The following PRELID3A variants were observed in gnomAD, a reference collection of about 807,000 sequenced individuals.
PRELID3A encodes the protein PRELI domain containing protein 3A.
Under a neutral mutation model 23.0 loss-of-function variants are expected in PRELID3A, and 27 were observed. That is an observed-to-expected ratio of 1.17 (90% CI 0.87 to 1.62). The LOEUF is 1.62. Ranked by LOEUF, PRELID3A falls within the 40% of genes most tolerant of loss-of-function variation. PRELID3A has a pLI of 0.00. For synonymous variants in PRELID3A, 87 were observed against 86.4 expected, an observed-to-expected ratio of 1.01 and a Z score of -0.04; for missense variants, 231 against 231.4, an observed-to-expected ratio of 1.00 and a Z score of 0.01.
intron 1 of PRELID3A, among the ~76,000 whole-genome samples, chr18:12,412,490 A>G (rs1299930901): frequency 1.3e-5 from 2 of 152,172 alleles, no homozygotes; most frequent in African/African-American, 2.4e-5. Flanking sequence ...GCCTAGCCCT[A>G]TTGTTTTTCG....
At chr18:12,424,463 T>C (rs896797637) in intron 3 of PRELID3A, among the ~76,000 whole-genome samples, 1 of 152,230 alleles carries the variant, frequency 6.6e-6, no homozygotes, top group Non-Finnish European at 1.5e-5. Context: ...TTGCATAAAA[T>C]ATTGCACATA....
intron 6 of PRELID3A, 70 bp downstream of exon 6, chr18:12,429,506 G>A: frequency 9.7e-7 from 1 of 1,026,776 alleles, no homozygotes; most frequent in Non-Finnish European, 1.5e-6. Context: ...TGGTGCACAT[G>A]GTGAGGGGAC....
intron 1 of PRELID3A, among the ~76,000 whole-genome samples, chr18:12,418,901 AGG>A (rs1485846196): frequency 6.6e-6 from 1 of 152,202 alleles, no homozygotes; most frequent in East Asian, 1.9e-4. Context: ...AAATAAAACA[AGG>A]GGAGGCTGAG....
intron 3 of PRELID3A, among the ~76,000 whole-genome samples, chr18:12,425,592 A>T (rs1002611383): frequency 1.3e-5 from 2 of 150,410 alleles, no homozygotes; most frequent in Non-Finnish European, 3.0e-5. Context: ...AGATCATGCC[A>T]CTGCACTCCA....
In PRELID3A at chr18:12,427,679, G is replaced by A. The variant is rs149413785; in HGVS notation, c.465+356G>A. On this transcript the variant is annotated intron_variant, in intron 5 of 6. Coordinates refer to ENST00000440960, the MANE Select transcript of PRELID3A (RefSeq NM_001142405.2). ...TGCACTCCAGCCTGGGTAACAGAAT[G>A]AGACTCTGTCTTAAAAAAAAAAATA... Among the ~76,000 whole-genome samples, 58 of 151,606 alleles carry A rather than the reference G, an allele frequency of 3.8e-4. No individual in the cohort carries two copies. In the East Asian group the frequency reaches 7.4e-3, roughly 19 times the overall value.
intron 3 of PRELID3A, among the ~76,000 whole-genome samples, chr18:12,425,444 C>T (rs1434873690): frequency 2.1e-5 from 3 of 145,998 alleles, no homozygotes; most frequent in Non-Finnish European, 4.5e-5. Context: ...CATGGTGAAA[C>T]CCCGTCTCTA....
At chr18:12,428,876 CAGTG>C (rs1430695954) in intron 5 of PRELID3A, among the ~76,000 whole-genome samples, 3 of 152,212 alleles carry the variant, frequency 2.0e-5, no homozygotes, top group African/African-American at 7.2e-5. Context: ...GGGGTAAACT[CAGTG>C]AGGGCAAATT....
intron 5 of PRELID3A, among the ~76,000 whole-genome samples, chr18:12,428,530 C>T (rs1055534177): frequency 8.5e-5 from 13 of 152,170 alleles, no homozygotes; most frequent in South Asian, 2.1e-4. Context: ...TTCCAATGTC[C>T]TTCCATGCTT....
intron 3 of PRELID3A, among the ~76,000 whole-genome samples, chr18:12,422,978 T>C (rs1049723759): frequency 6.6e-6 from 1 of 152,136 alleles, no homozygotes; most frequent in Non-Finnish European, 1.5e-5. Flanking sequence ...GGATGGGGAA[T>C]GCAAGGATTA....
intron 1 of PRELID3A, among the ~76,000 whole-genome samples, chr18:12,409,088 G>A (rs1909822636): frequency 6.7e-6 from 1 of 150,030 alleles, no homozygotes. Context: ...TGCGTGGAAG[G>A]AAATTGTCAT....
At position 12,416,579 on chromosome 18, in the gene PRELID3A, A is replaced by G. The variant is rs565281129; in HGVS notation, c.33-3746A>G. Reference sequence around the variant, plus strand: ...CAGTCTTCCTGCCTCAGCCTCCCCAAGTGCTGGGATTTACAGGCATGAGCC... The same window carrying G: ...CAGTCTTCCTGCCTCAGCCTCCCCAGGTGCTGGGATTTACAGGCATGAGCC... On this transcript the variant is annotated intron_variant, in intron 1 of 6. Transcript: ENST00000440960. Among the ~76,000 whole-genome samples the G allele has an allele frequency of 3.3e-5, 5 of 151,452 alleles. No individual in the cohort carries two copies. The South Asian group carries it at 6.3e-4, about 19-fold the overall frequency.
At chr18:12,409,437 G>A (rs986739438) in intron 1 of PRELID3A, among the ~76,000 whole-genome samples, 5 of 152,046 alleles carry the variant, frequency 3.3e-5, no homozygotes, top group Admixed American at 6.6e-5. Context: ...AAAGTGCTGG[G>A]ATTATAGGTG....
Position 12,420,308 on chromosome 18 carries a change from C to G in PRELID3A, c.33-17C>G. On this transcript the variant is annotated splice_polypyrimidine_tract_variant and intron_variant, in intron 1 of 6. Coordinates refer to ENST00000440960, the MANE Select transcript of PRELID3A (RefSeq NM_001142405.2). Reference sequence around the variant, plus strand: ...GGCCCCGGCGCTTGCTCACCGCCGCCTATGCTCTCCCCGCAGCCACCCGTG... The same window carrying G: ...GGCCCCGGCGCTTGCTCACCGCCGCGTATGCTCTCCCCGCAGCCACCCGTG... 1 of 1,592,296 alleles carries G rather than the reference C, an allele frequency of 6.3e-7. No homozygotes were observed.
chr18:12,429,529 C>A, intron 6 of PRELID3A, 93 bp downstream of exon 6: 2 of 763,188 alleles, frequency 2.6e-6, no homozygotes, highest in African/African-American at 1.7e-5. Flanking sequence ...CAGAAGTACG[C>A]AGCTGCTGGT....
At chr18:12,430,721 G>A (rs1399866798) in intron 6 of PRELID3A, among the ~76,000 whole-genome samples, 1 of 148,950 alleles carries the variant, frequency 6.7e-6, no homozygotes, top group Non-Finnish European at 1.5e-5. Context: ...TATAGTGTGT[G>A]CTCTGTGTAA....
chr18:12,410,061 G>C (rs940701038), intron 1 of PRELID3A, among the ~76,000 whole-genome samples: 2 of 152,190 alleles, frequency 1.3e-5, no homozygotes, highest in Non-Finnish European at 2.9e-5. Flanking sequence ...AATTTGCCTT[G>C]TTGGGACATT....
In PRELID3A at chr18:12,420,562, C is replaced by T. The variant is rs1183264512; in HGVS notation, c.201+69C>T. On this transcript the variant is annotated intron_variant, in intron 2 of 6. Coordinates refer to ENST00000440960, the MANE Select transcript of PRELID3A (RefSeq NM_001142405.2). ...CCACTCCCGCCCCCGCCCTCTCCCG[C>T]GTCCCTCCTCCCCTCATCAGTGCCT... is the stretch of plus-strand genomic sequence containing the variant. 10 of 1,400,138 alleles carry T rather than the reference C, an allele frequency of 7.1e-6. No individual in the cohort carries two copies. In the Admixed American group the frequency reaches 1.9e-4, roughly 26 times the overall value. The allele number at this position is 1,400,138 out of a possible 1,614,324, so 86.7% of individuals were successfully genotyped here.
chr18:12,428,486 G>A (rs1426457149), intron 5 of PRELID3A, among the ~76,000 whole-genome samples: 1 of 152,050 alleles, frequency 6.6e-6, no homozygotes, highest in African/African-American at 2.4e-5. Flanking sequence ...TCATTTTTGA[G>A]ATCAGTGGGT....
intron 1 of PRELID3A, among the ~76,000 whole-genome samples, chr18:12,417,654 T>C (rs998393454): frequency 5.3e-5 from 8 of 152,220 alleles, no homozygotes; most frequent in African/African-American, 1.9e-4. Flanking sequence ...AGACTATTCA[T>C]TGAGGAGGCT....
Sources: allele counts gnomAD v4.1 joint callset (sites outside exome capture counted in the v4.1 genomes callset), GRCh38; gene constraint gnomAD v4.1.1; transcripts MANE v1.5; gene names NCBI Gene and HGNC (gene_info 2026-07-23, HGNC 2026-07-21).